Variants in SLC1A7 observed in about 807,000 individuals in gnomAD.
SLC1A7 encodes excitatory amino acid transporter 5.
Under a neutral mutation model 47.7 loss-of-function variants are expected in SLC1A7, and 40 were observed. That is an observed-to-expected ratio of 0.84 (90% CI 0.65 to 1.09). The LOEUF (loss-of-function observed/expected upper bound fraction) is 1.09, where lower values mean the gene tolerates loss of function less well. SLC1A7 is among the 50% of genes least tolerant of loss of function. SLC1A7 has a pLI of 0.00. For missense variants in SLC1A7, 746 were observed against 769.5 expected, an observed-to-expected ratio of 0.97 and a Z score of 0.36; for synonymous variants, 323 against 325.6, an observed-to-expected ratio of 0.99 and a Z score of 0.09.
Position 53,120,237 on chromosome 1 carries a change from G to C in SLC1A7, c.216-5264C>G, listed in dbSNP as rs2150337165. On this transcript the variant is annotated intron_variant, in intron 2 of 10. Coordinates refer to ENST00000371494, the MANE Select transcript of SLC1A7 (RefSeq NM_006671.6). ...CCCTGGTTCTCGCACCAACCCCTGA[G>C]GTGGGACTCCTGACCCCATCTCACA... 2.0e-5 allele frequency among the ~76,000 whole-genome samples: 3 copies of C among 152,268 alleles called. No homozygotes were observed. In the South Asian group the frequency reaches 6.2e-4, roughly 32 times the overall value.
chr1:53,103,510 G>C lies in SLC1A7; in HGVS notation c.533C>G (p.Pro178Arg), dbSNP rs531390455. The change falls in exon 5 of 11, where the codon CCT becomes CGT. Residue 178 changes from proline to arginine, a missense_variant. Transcript: ENST00000371494. ...KSPKVAPEEA[P>R]PRRILIYGVQ... ...CCCGTAGATGAGGATCCGCCGAGGA[G>C]GGGCCTCCTCTGGTGCCACCTTGGG... is the stretch of plus-strand genomic sequence containing the variant. 1 of 1,612,740 alleles carries C rather than the reference G, an allele frequency of 6.2e-7. No homozygotes were observed. Among genetic ancestry groups the C allele is most frequent in the Non-Finnish European group, 8.5e-7 (1 of 1,179,296 alleles).
In SLC1A7 at chr1:53,093,557, A is replaced by G. The variant is rs774216693; in HGVS notation, c.701T>C (p.Ile234Thr). The G allele has an allele frequency of 2.2e-5, 36 of 1,600,192 alleles. No individual in the cohort carries two copies. The highest frequency in any genetic ancestry group is 3.0e-5 in the Non-Finnish European group (35 of 1,177,452). ...GIVFFSATMG[I>T]MLGRMGDSGA... Reference sequence around the variant, plus strand: ...GCTGTCACCCATGCGGCCCAGCATGATGCCTGCGGGTCAGGGACACAGTGC... The same window carrying G: ...GCTGTCACCCATGCGGCCCAGCATGGTGCCTGCGGGTCAGGGACACAGTGC... Residue 234 changes from isoleucine to threonine, a missense_variant, in exon 6 of 11, where the codon ATC becomes ACC. Coordinates refer to ENST00000371494, the MANE Select transcript of SLC1A7 (RefSeq NM_006671.6).
At chr1:53,088,292 G>A (rs1260630769) in intron 10 of SLC1A7, 65 bp from the exon 11 acceptor site, 1 of 1,332,776 alleles carries the variant, frequency 7.5e-7, no homozygotes, top group Admixed American at 2.2e-5. Flanking sequence ...AGGGAGGACT[G>A]AGGGCCAGTG....
At chr1:53,109,012 C>T (rs1006334733) in intron 3 of SLC1A7, among the ~76,000 whole-genome samples, 1 of 152,114 alleles carries the variant, frequency 6.6e-6, no homozygotes, top group South Asian at 2.1e-4. Flanking sequence ...GGTCCGTGCT[C>T]CTGGTGGCAG....
chr1:53,093,422 G>A, intron 6 of SLC1A7, 39 bp downstream of exon 6: 1 of 1,504,398 alleles, frequency 6.6e-7, no homozygotes, highest in Non-Finnish European at 9.1e-7. Context: ...CATCCACCCA[G>A]GGCTGGCCGG....
intron 2 of SLC1A7, among the ~76,000 whole-genome samples, chr1:53,124,304 GACAA>G (rs758657980): frequency 6.6e-4 from 92 of 138,984 alleles, no homozygotes; most frequent in South Asian, 1.6e-3. Context: ...CAGCTTCACA[GACAA>G]ACCCACACCC....
chr1:53,096,149 G>C (rs1644487418), intron 5 of SLC1A7, among the ~76,000 whole-genome samples: 1 of 139,384 alleles, frequency 7.2e-6, no homozygotes, highest in African/African-American at 2.7e-5. Flanking sequence ...ACCCCGCCTT[G>C]GTACACTCAC....
rs140181019 is a variant in SLC1A7, at chr1:53,104,061, G to A, written c.475-493C>T. 5.9e-5 allele frequency among the ~76,000 whole-genome samples: 9 copies of A among 152,208 alleles called. No individual in the cohort carries two copies. In the East Asian group the frequency reaches 1.2e-3, roughly 20 times the overall value. ...CAAGAAAATGACCTTCCTGAGCCAC[G>A]TACCTTTCCCTCTCTGCCCCCAGAG... On this transcript the variant is annotated intron_variant, in intron 4 of 10. Coordinates refer to ENST00000371494, the MANE Select transcript of SLC1A7 (RefSeq NM_006671.6).
chr1:53,098,299 C>T (rs376856395), intron 5 of SLC1A7, among the ~76,000 whole-genome samples: 2 of 148,718 alleles, frequency 1.3e-5, no homozygotes, highest in Admixed American at 6.7e-5. Context: ...CACCCTGTCT[C>T]GGTACACACA....
intron 5 of SLC1A7, among the ~76,000 whole-genome samples, chr1:53,097,982 G>A (rs958025452): frequency 1.3e-4 from 15 of 118,092 alleles, no homozygotes; most frequent in African/African-American, 4.3e-4. Context: ...ACCACAACTC[G>A]GTACACTCAC....
intron 5 of SLC1A7, 76 bp from the exon 6 acceptor site, chr1:53,093,636 C>G: frequency 1.7e-6 from 2 of 1,167,666 alleles, no homozygotes; most frequent in Non-Finnish European, 1.2e-6. Flanking sequence ...GCATGGCTGG[C>G]TTCCCAGCAG....
At chr1:53,139,728 C>T (rs904354603) in intron 1 of SLC1A7, among the ~76,000 whole-genome samples, 3 of 152,150 alleles carry the variant, frequency 2.0e-5, no homozygotes, top group African/African-American at 7.2e-5. Flanking sequence ...CACCCACCTC[C>T]ATATTATCTA....
chr1:53,139,527 T>C (rs1187201709), intron 1 of SLC1A7, among the ~76,000 whole-genome samples: 4 of 152,190 alleles, frequency 2.6e-5, no homozygotes, highest in Non-Finnish European at 5.9e-5. Context: ...CCAACTGAAT[T>C]GGAAGGTCCC....
chr1:53,123,012 G>T (rs905786646), intron 2 of SLC1A7, among the ~76,000 whole-genome samples: 19 of 152,128 alleles, frequency 1.2e-4, no homozygotes. Flanking sequence ...TCCTTCCCAG[G>T]CCTGGGTGCC....
chr1:53,101,877 CT>C (rs1018490366), intron 5 of SLC1A7, among the ~76,000 whole-genome samples: 17 of 151,450 alleles, frequency 1.1e-4, no homozygotes, highest in African/African-American at 3.9e-4. Flanking sequence ...CACTCACACT[CT>C]TTGTCTTGGT....
At position 53,089,819 on chromosome 1, in the gene SLC1A7, T is replaced by C; in HGVS notation, c.1342A>G (p.Ile448Val). ...GLPTDDITLI[I>V]AVDWALDRFR... ...ACTCACAGAGCCCAGTCAACGGCAA[T>C]GATGAGGGTGATGTCATCGGTGGGC... The change falls in exon 9 of 11, where the codon ATT (isoleucine) becomes GTT (valine). Residue 448 changes from isoleucine to valine, a missense_variant. Ile to Val is a conservative substitution (Grantham distance 29, BLOSUM62 3). Transcript: ENST00000371494. 1 of 1,613,802 alleles carries C rather than the reference T, an allele frequency of 6.2e-7. No homozygotes were observed. Among genetic ancestry groups the C allele is most frequent in the South Asian group, 1.1e-5 (1 of 91,062 alleles).
At chr1:53,119,475 A>G (rs959661647) in intron 2 of SLC1A7, among the ~76,000 whole-genome samples, 2 of 152,168 alleles carry the variant, frequency 1.3e-5, no homozygotes, top group Non-Finnish European at 2.9e-5. Context: ...CAGCCTCCCA[A>G]GTAGCTGGGA....
rs56948505 is a variant in SLC1A7 at position 53,101,054 on chromosome 1, C to T, written c.697+2292G>A. The stretch of plus-strand genomic sequence containing the variant: ...CCCACCTTGGTACATTCACAAAACC[C>T]GCCTCGGTACACTCACACACACCAC... On this transcript the variant is annotated intron_variant, in intron 5 of 10. Coordinates refer to ENST00000371494, the MANE Select transcript of SLC1A7 (RefSeq NM_006671.6). 2.4e-3 allele frequency among the ~76,000 whole-genome samples: 361 copies of T among 148,568 alleles called. 1 individual carries two copies. The highest frequency in any genetic ancestry group is 5.9e-3 in the Admixed American group (88 of 14,962).
intron 2 of SLC1A7, among the ~76,000 whole-genome samples, chr1:53,122,457 C>T (rs889350980): frequency 2.6e-5 from 4 of 152,176 alleles, no homozygotes; most frequent in Admixed American, 1.3e-4. Context: ...AAGAGGGGTC[C>T]CTTCAGTCCA....
Sources: allele counts gnomAD v4.1 joint callset (sites outside exome capture counted in the v4.1 genomes callset), GRCh38; gene constraint gnomAD v4.1.1; transcripts MANE v1.5; gene names NCBI Gene and HGNC (gene_info 2026-07-23, HGNC 2026-07-21).